Variants in ABL2 observed in about 807,000 individuals in gnomAD.
ABL2 encodes the protein tyrosine-protein kinase ABL2.
ABL2 carries 49 observed loss-of-function variants against 107.7 expected under a neutral mutation model. The observed-to-expected ratio is 0.45, with a 90% CI of 0.36 to 0.58. ABL2 has a LOEUF of 0.58. ABL2 is among the 20% of genes least tolerant of loss of function. ABL2 has a pLI of 0.00. For synonymous variants in ABL2, 549 were observed against 548.6 expected, an observed-to-expected ratio of 1.00 and a Z score of -0.01; for missense variants, 1,245 against 1,457.0, an observed-to-expected ratio of 0.85 and a Z score of 2.37.
At chr1:179,115,286 G>A (rs1168001684) in intron 8 of ABL2, among the ~76,000 whole-genome samples, 3 of 152,056 alleles carry the variant, frequency 2.0e-5, no homozygotes, top group Non-Finnish European at 4.4e-5. Flanking sequence ...TTACTGTAAT[G>A]AGGGAAAATA....
intron 1 of ABL2, among the ~76,000 whole-genome samples, chr1:179,213,154 GTCTA>G (rs751866870): frequency 8.7e-5 from 13 of 149,330 alleles, no homozygotes; most frequent in Non-Finnish European, 1.8e-4. Context: ...TTATATATAT[GTCTA>G]TCTAAAATAT....
At chr1:179,173,862 G>C (rs1228970554) in intron 1 of ABL2, among the ~76,000 whole-genome samples, 1 of 151,818 alleles carries the variant, frequency 6.6e-6, no homozygotes, top group Non-Finnish European at 1.5e-5. Context: ...AGCTGAAAAA[G>C]AATGAGATTT....
In ABL2 at chr1:179,229,531, G is replaced by T. The variant is rs923014534; in HGVS notation, c.-134C>A. On this transcript the variant is annotated 5_prime_UTR_variant, in exon 1 of 12. Coordinates refer to ENST00000502732, the MANE Select transcript of ABL2 (RefSeq NM_007314.4). ...CCTGGCCCTGAGTGGCTGGGCCACC[G>T]GCGGCTCCGCACCCGGCCTCCTCAC... 106 of 947,932 alleles carry T rather than the reference G, an allele frequency of 1.1e-4. No individual in the cohort carries two copies. The highest frequency in any genetic ancestry group is 1.4e-4 in the Non-Finnish European group (100 of 699,414). 58.7% of individuals were successfully genotyped at this position (947,932 alleles called of 1,614,324 possible). A position where few individuals can be genotyped will look rare whatever the true frequency, so the allele number is the denominator to read the frequency against.
intron 1 of ABL2, among the ~76,000 whole-genome samples, chr1:179,191,295 G>C (rs1660995028): frequency 6.6e-6 from 1 of 151,812 alleles, no homozygotes; most frequent in Admixed American, 6.6e-5. Flanking sequence ...TAAGGTAATA[G>C]ATGATTGCAC....
intron 1 of ABL2, among the ~76,000 whole-genome samples, chr1:179,167,836 C>A (rs1161821868): frequency 6.6e-6 from 1 of 152,138 alleles, no homozygotes; most frequent in African/African-American, 2.4e-5. Flanking sequence ...CAAAACTCTG[C>A]GGGGTGTGGT....
At chr1:179,112,650 C>A (rs1654201206) in intron 9 of ABL2, among the ~76,000 whole-genome samples, 1 of 151,692 alleles carries the variant, frequency 6.6e-6, no homozygotes, top group Non-Finnish European at 1.5e-5. Context: ...GTGCAGCTGG[C>A]ATGATCTCAA....
intron 1 of ABL2, among the ~76,000 whole-genome samples, chr1:179,204,638 T>G (rs997095976): frequency 6.6e-5 from 10 of 152,048 alleles, no homozygotes; most frequent in African/African-American, 2.2e-4. Flanking sequence ...TCCCAGCTAC[T>G]CGGGAGGCTG....
rs748568984 is a variant in ABL2 at position 179,108,028 on chromosome 1, G to A, written c.3239C>T (p.Ser1080Leu). Residue 1080 changes from serine (S) to leucine (L), a missense_variant, in exon 12 of 12, where the codon TCA becomes TTA. By Grantham distance (145) the Ser-to-Leu change is moderately radical (BLOSUM62 -2). Transcript: ENST00000502732. ...GGCCTCTTTGCTGATTTTGTCTGCT[G>A]AGATTTTCTCAGCGGCCTGTTTGGT... ...RKTKQAAEKI[S>L]ADKISKEALL... 6.2e-7 allele frequency: 1 copy of A among 1,614,116 alleles called. No individual in the cohort carries two copies. Among genetic ancestry groups the A allele is most frequent in the African/African-American group, 1.3e-5 (1 of 74,930 alleles).
At chr1:179,124,830 C>T (rs548035752) in intron 4 of ABL2, among the ~76,000 whole-genome samples, 14 of 152,228 alleles carry the variant, frequency 9.2e-5, no homozygotes, top group African/African-American at 2.6e-4. Flanking sequence ...CTTTTTTCCA[C>T]CCAACTTTTA....
At chr1:179,183,236 G>A (rs978600072) in intron 1 of ABL2, among the ~76,000 whole-genome samples, 1 of 152,046 alleles carries the variant, frequency 6.6e-6, no homozygotes, top group Non-Finnish European at 1.5e-5. Flanking sequence ...TGGGTGGGGC[G>A]GGAGGTGAGG....
chr1:179,176,532 T>A (rs1418876690), intron 1 of ABL2, among the ~76,000 whole-genome samples: 1 of 152,124 alleles, frequency 6.6e-6, no homozygotes, highest in East Asian at 1.9e-4. Flanking sequence ...AATCAATCAC[T>A]CCTTTTTAAC....
chr1:179,194,556 T>C (rs1173118829), intron 1 of ABL2, among the ~76,000 whole-genome samples: 3 of 152,168 alleles, frequency 2.0e-5, no homozygotes, highest in Non-Finnish European at 4.4e-5. Flanking sequence ...TTTACACACA[T>C]ATTAAAACTC....
At chr1:179,113,912 C>G (rs1021987424) in intron 9 of ABL2, among the ~76,000 whole-genome samples, 1 of 149,378 alleles carries the variant, frequency 6.7e-6, no homozygotes, top group Non-Finnish European at 1.5e-5. Context: ...CCAGCCTGGG[C>G]GACAGAGCGA....
At chr1:179,136,829 T>C (rs1231416723) in intron 1 of ABL2, among the ~76,000 whole-genome samples, 2 of 151,304 alleles carry the variant, frequency 1.3e-5, no homozygotes, top group Non-Finnish European at 2.9e-5. Flanking sequence ...GGCACGAGAA[T>C]TGCTTGAGTC....
In ABL2 at chr1:179,100,317, A is replaced by G. The variant is rs1044952; in HGVS notation, c.*7401T>C. 7.9e-3 allele frequency: 1,807 copies of G among 228,086 alleles called. 14 individuals are homozygous for G. The highest frequency in any genetic ancestry group is 9.5e-3 in the Non-Finnish European group (1,088 of 114,902). The allele number at this position is 228,086 out of a possible 1,614,324, so 14.1% of individuals were successfully genotyped here. On this transcript the variant is annotated 3_prime_UTR_variant, in exon 12 of 12. Transcript: ENST00000502732. ...TCCCCTGGCGTTCTTGCCACTCACA[A>G]TACCTGGTATGGTACTTCTGAACTG... is the stretch of plus-strand genomic sequence containing the variant.
chr1:179,112,191 T>C (rs1654153612), intron 10 of ABL2, 118 bp downstream of exon 10: 2 of 804,398 alleles, frequency 2.5e-6, no homozygotes, highest in Non-Finnish European at 4.0e-6. Flanking sequence ...TAGTTAAAAG[T>C]TGAAACAGAG....
chr1:179,195,301 A>C (rs1661247769), intron 1 of ABL2, among the ~76,000 whole-genome samples: 1 of 152,140 alleles, frequency 6.6e-6, no homozygotes, highest in Non-Finnish European at 1.5e-5. Context: ...AAAAACAAAA[A>C]ACAAAAAAAC....
chr1:179,152,246 T>G (rs1040916757), intron 1 of ABL2, among the ~76,000 whole-genome samples: 1 of 152,138 alleles, frequency 6.6e-6, no homozygotes, highest in Non-Finnish European at 1.5e-5. Context: ...TAACTTGGAG[T>G]CTTGATTCAG....
At chr1:179,147,524 C>T (rs1182960781) in intron 1 of ABL2, among the ~76,000 whole-genome samples, 2 of 152,158 alleles carry the variant, frequency 1.3e-5, no homozygotes, top group Non-Finnish European at 2.9e-5. Context: ...CCATGGAATA[C>T]TACTTAGCCA....
Sources: allele counts gnomAD v4.1 joint callset (sites outside exome capture counted in the v4.1 genomes callset), GRCh38; gene constraint gnomAD v4.1.1; transcripts MANE v1.5; gene names NCBI Gene and HGNC (gene_info 2026-07-23, HGNC 2026-07-21).